The following CSMD3 variants were observed in gnomAD, a reference collection of about 807,000 sequenced individuals.
CSMD3 encodes CUB and Sushi multiple domains 3.
In CSMD3, 177 loss-of-function variants were observed where a neutral mutation model predicts 435.2. The observed-to-expected ratio is 0.41, with a 90% CI of 0.36 to 0.46. CSMD3 has a LOEUF of 0.46. Among genes scored for constraint, CSMD3 ranks in the 20% least tolerant of loss-of-function variants. The pLI is 0.34. For missense variants in CSMD3, 4,265 were observed against 4,504.6 expected, an observed-to-expected ratio of 0.95 and a Z score of 1.52; for synonymous variants, 1,656 against 1,520.5, an observed-to-expected ratio of 1.09 and a Z score of -2.07.
intron 10 of CSMD3, among the ~76,000 whole-genome samples, chr8:112,896,788 A>G (rs1475021249): frequency 2.0e-5 from 3 of 151,384 alleles, no homozygotes; most frequent in Non-Finnish European, 4.4e-5. Context: ...TATTTTGAAA[A>G]TGCAAATCTG....
intron 12 of CSMD3, among the ~76,000 whole-genome samples, chr8:112,817,572 C>A (rs1375476353): frequency 6.6e-6 from 1 of 152,012 alleles, no homozygotes; most frequent in African/African-American, 2.4e-5. Flanking sequence ...CTAGACGACT[C>A]TGAAGTTGCC....
At chr8:113,252,789 A>G (rs1381272456) in intron 3 of CSMD3, among the ~76,000 whole-genome samples, 3 of 152,184 alleles carry the variant, frequency 2.0e-5, no homozygotes, top group South Asian at 2.1e-4. Flanking sequence ...CATGAATTTC[A>G]TAAGTAGTGG....
At chr8:112,340,646 T>C (rs949348704) in intron 42 of CSMD3, among the ~76,000 whole-genome samples, 1 of 152,112 alleles carries the variant, frequency 6.6e-6, no homozygotes, top group Non-Finnish European at 1.5e-5. Flanking sequence ...GAAATAAACT[T>C]TATTATGTAA....
intron 53 of CSMD3, among the ~76,000 whole-genome samples, chr8:112,298,084 A>AT (rs1820511669): frequency 6.7e-6 from 1 of 150,182 alleles, no homozygotes; most frequent in South Asian, 2.1e-4. Flanking sequence ...AAAAAAAAAA[A>AT]AAAAAATAAG....
intron 11 of CSMD3, 122 bp from the exon 12 acceptor site, chr8:112,829,911 ACACACACACAC>A: frequency 1.5e-6 from 1 of 646,930 alleles, no homozygotes; most frequent in South Asian, 1.7e-5. Context: ...ACACACACAC[ACACACACACAC>A]ACACAAGCAG....
intron 30 of CSMD3, among the ~76,000 whole-genome samples, chr8:112,503,196 C>G (rs1225844193): frequency 6.6e-6 from 1 of 152,170 alleles, no homozygotes; most frequent in Non-Finnish European, 1.5e-5. Context: ...ATCCTCCTGC[C>G]TCAGCTTCTT....
chr8:112,579,191 A>G (rs1830161552), intron 23 of CSMD3, among the ~76,000 whole-genome samples: 1 of 152,106 alleles, frequency 6.6e-6, no homozygotes, highest in African/African-American at 2.4e-5. Flanking sequence ...GGTTAATTAA[A>G]TAATAGTTTT....
rs1162100880 is a variant in CSMD3, at chr8:113,378,441, TA to T, written c.178+58235del. ...ATATTATATAAGTAAACATTTTAATTATATATTGTGGTAAGTTATATAAAGA... is the reference window on the plus strand; with the variant it reads ...ATATTATATAAGTAAACATTTTAATTTATATTGTGGTAAGTTATATAAAGA... On this transcript the variant is annotated intron_variant, in intron 1 of 70. Transcript: ENST00000297405. Among the ~76,000 whole-genome samples, 858 of 152,308 alleles carry T rather than the reference TA, an allele frequency of 5.6e-3. 12 individuals carry two copies. Among genetic ancestry groups the T allele is most frequent in the African/African-American group, 0.02 (823 of 41,560 alleles).
chr8:113,315,331 T>C (rs977038386), intron 1 of CSMD3, among the ~76,000 whole-genome samples: 2 of 152,116 alleles, frequency 1.3e-5, no homozygotes, highest in Admixed American at 6.6e-5. Flanking sequence ...TTAAAGTCTA[T>C]GAAATGGCTC....
At chr8:112,732,711 A>AG (rs1196324549) in intron 13 of CSMD3, among the ~76,000 whole-genome samples, 1 of 151,582 alleles carries the variant, frequency 6.6e-6, no homozygotes, top group Non-Finnish European at 1.5e-5. Context: ...AAAAAAAAAA[A>AG]AAAAAGAAAA....
At chr8:112,339,689 A>G (rs1563810758) in intron 42 of CSMD3, among the ~76,000 whole-genome samples, 1 of 152,164 alleles carries the variant, frequency 6.6e-6, no homozygotes, top group Non-Finnish European at 1.5e-5. Context: ...TGATTCCTTC[A>G]GTAGATGGGT....
At chr8:113,365,486 A>C (rs2094305214) in intron 1 of CSMD3, among the ~76,000 whole-genome samples, 1 of 152,076 alleles carries the variant, frequency 6.6e-6, no homozygotes, top group Admixed American at 6.6e-5. Context: ...ATTCCATGTA[A>C]CTTTGGTCAG....
At chr8:113,127,960 C>T (rs1019675118) in intron 4 of CSMD3, among the ~76,000 whole-genome samples, 1 of 152,040 alleles carries the variant, frequency 6.6e-6, no homozygotes, top group Non-Finnish European at 1.5e-5. Flanking sequence ...TTTTCCTCTA[C>T]GTAGAATATT....
At chr8:112,835,927 A>G (rs979994142) in intron 11 of CSMD3, among the ~76,000 whole-genome samples, 2 of 151,916 alleles carry the variant, frequency 1.3e-5, no homozygotes, top group African/African-American at 4.8e-5. Flanking sequence ...CCAGAAGGAC[A>G]TGATATTGTT....
At chr8:112,628,813 G>A (rs1834708427) in intron 22 of CSMD3, among the ~76,000 whole-genome samples, 1 of 152,112 alleles carries the variant, frequency 6.6e-6, no homozygotes, top group Non-Finnish European at 1.5e-5. Flanking sequence ...GGAGGTCAAG[G>A]GGAGCTTACC....
intron 12 of CSMD3, among the ~76,000 whole-genome samples, chr8:112,824,194 G>T (rs11989161): frequency 6.6e-6 from 1 of 151,530 alleles, no homozygotes; most frequent in African/African-American, 2.4e-5. Context: ...GCCTATTTGT[G>T]TCTTTGCACA....
chr8:112,796,953 A>G (rs2078844159), intron 13 of CSMD3, among the ~76,000 whole-genome samples: 1 of 152,038 alleles, frequency 6.6e-6, no homozygotes, highest in African/African-American at 2.4e-5. Flanking sequence ...TCATGAACAG[A>G]AACACGAAAT....
intron 5 of CSMD3, among the ~76,000 whole-genome samples, chr8:113,081,614 A>C (rs2089567407): frequency 6.6e-6 from 1 of 152,130 alleles, no homozygotes; most frequent in African/African-American, 2.4e-5. Flanking sequence ...TCTAGGACCC[A>C]AGCTGCTACA....
chr8:113,296,004 G>C (rs2093718304), intron 2 of CSMD3, among the ~76,000 whole-genome samples: 1 of 152,010 alleles, frequency 6.6e-6, no homozygotes, highest in Non-Finnish European at 1.5e-5. Context: ...GTAGGGACAT[G>C]GATGAAGGTG....
Sources: gnomAD v4.1 joint callset for allele counts (sites outside exome capture counted in the v4.1 genomes callset) on GRCh38, gnomAD v4.1.1 for gene constraint, MANE v1.5 for transcripts, NCBI Gene and HGNC (gene_info 2026-07-23, HGNC 2026-07-21) for gene names.